USP25: variants seen among roughly 807,000 people sequenced by gnomAD.
The protein encoded by USP25 is ubiquitin carboxyl-terminal hydrolase 25.
USP25 carries 85 observed loss-of-function variants against 158.5 expected under a neutral mutation model. The observed-to-expected ratio is 0.54, with a 90% CI of 0.45 to 0.64. The LOEUF is 0.64. Among genes scored for constraint, USP25 ranks in the 30% least tolerant of loss-of-function variants. The pLI, the probability that USP25 is intolerant of heterozygous loss-of-function variation, is 0.00. For synonymous variants in USP25, 464 were observed against 460.4 expected (o/e 1.01, Z -0.10); for missense variants, 1,242 against 1,327.3 (o/e 0.94, Z 1.00).
chr21:15,857,121 A>T (rs894497474), intron 20 of USP25, among the ~76,000 whole-genome samples: 2 of 152,170 alleles, frequency 1.3e-5, no homozygotes, highest in Admixed American at 6.5e-5. Flanking sequence ...ACCTCAGGCA[A>T]TTTATTAAAT....
At chr21:15,732,768 C>T (rs1414326766) in intron 1 of USP25, among the ~76,000 whole-genome samples, 3 of 152,080 alleles carry the variant, frequency 2.0e-5, no homozygotes, top group African/African-American at 2.4e-5. Flanking sequence ...GTTTGCAGCA[C>T]CACACTACAC....
chr21:15,794,515 T>C (rs2035759928), intron 5 of USP25, among the ~76,000 whole-genome samples: 2 of 151,402 alleles, frequency 1.3e-5, no homozygotes, highest in South Asian at 4.2e-4. Context: ...GTGTATGTTC[T>C]TCTCTGTAGC....
intron 7 of USP25, chr21:15,805,647 T>C (rs1194100865): frequency 1.3e-5 from 2 of 153,944 alleles, no homozygotes; most frequent in Non-Finnish European, 2.9e-5. Flanking sequence ...ATCTTTGTTA[T>C]TGTTGCTTTT....
At chr21:15,845,186 G>A (rs1249810344) in intron 18 of USP25, among the ~76,000 whole-genome samples, 2 of 152,004 alleles carry the variant, frequency 1.3e-5, no homozygotes, top group African/African-American at 4.8e-5. Context: ...TAGCTTTTTT[G>A]TCACCCTTCT....
chr21:15,822,048 T>C (rs930807188), intron 10 of USP25, among the ~76,000 whole-genome samples: 5 of 151,946 alleles, frequency 3.3e-5, no homozygotes, highest in Non-Finnish European at 7.4e-5. Context: ...TTTAGAGATA[T>C]GGAGAATGAC....
At chr21:15,866,372 A>T in intron 22 of USP25, 28 bp downstream of exon 22, 1 of 1,519,890 alleles carries the variant, frequency 6.6e-7, no homozygotes, top group East Asian at 2.4e-5. Context: ...AGGTTAAACT[A>T]CAGATTTAGG....
chr21:15,802,618 A>G (rs1445194677), intron 6 of USP25, among the ~76,000 whole-genome samples: 1 of 151,710 alleles, frequency 6.6e-6, no homozygotes, highest in African/African-American at 2.4e-5. Context: ...AAAACATGAC[A>G]TATCAAAATT....
chr21:15,876,819 G>T (rs915112043), intron 24 of USP25: 6 of 152,110 alleles, frequency 3.9e-5, no homozygotes, highest in African/African-American at 1.4e-4. Context: ...AAAATAAATT[G>T]CATAAGAATT....
chr21:15,764,434 A>G (rs536592225), intron 2 of USP25, among the ~76,000 whole-genome samples: 1 of 151,582 alleles, frequency 6.6e-6, no homozygotes, highest in South Asian at 2.1e-4. Context: ...TTTTTGTTTC[A>G]GTTACCAGTA....
intron 7 of USP25, among the ~76,000 whole-genome samples, chr21:15,808,564 G>GTGTGTA (rs2036504761): frequency 6.6e-6 from 1 of 151,860 alleles, no homozygotes; most frequent in South Asian, 2.1e-4. Context: ...GTGTGTGTGT[G>GTGTGTA]TGTGTGTGTA....
chr21:15,774,640 A>G (rs1018027746), intron 3 of USP25, among the ~76,000 whole-genome samples: 4 of 152,220 alleles, frequency 2.6e-5, no homozygotes, highest in African/African-American at 4.8e-5. Flanking sequence ...TAGCAACAGC[A>G]TACTCTGGAT....
At chr21:15,738,746 T>G in intron 1 of USP25, among the ~76,000 whole-genome samples, 1 of 152,036 alleles carries the variant, frequency 6.6e-6, no homozygotes, top group East Asian at 1.9e-4. Flanking sequence ...AAGTAAAAAC[T>G]AAAAGGCAGA....
At chr21:15,852,493 G>A (rs545620804) in intron 20 of USP25, among the ~76,000 whole-genome samples, 1 of 152,224 alleles carries the variant, frequency 6.6e-6, no homozygotes, top group South Asian at 2.1e-4. Context: ...CGCTTTTAAA[G>A]TAGTATCTGG....
At position 15,778,015 on chromosome 21, in the gene USP25, A is replaced by G. The variant is rs748334578; in HGVS notation, c.380A>G (p.Gln127Arg). The G allele has an allele frequency of 6.2e-7, 1 of 1,604,892 alleles. No individual in the cohort carries two copies. Among genetic ancestry groups the G allele is most frequent in the Non-Finnish European group, 8.5e-7 (1 of 1,177,306 alleles). ...FRETGITDEE[Q>R]AISRVLEASI... is the part of the protein sequence containing the mutation. ...GAGACTGGAATAACTGATGAGGAACAAGCCATTAGCAGGTAAAAACATAAT... is the reference window on the plus strand; with the variant it reads ...GAGACTGGAATAACTGATGAGGAACGAGCCATTAGCAGGTAAAAACATAAT... Residue 127 changes from glutamine (Q) to arginine (R), a missense_variant, in exon 4 of 26, where the codon CAA becomes CGA. Physicochemically the swap from Gln to Arg is conservative, Grantham distance 43 (BLOSUM62 1). Around this residue, in one of 3 missense-constraint regions of USP25, gnomAD observed 627 missense variants for 701.4 expected, o/e 0.89. Coordinates refer to ENST00000400183, the MANE Select transcript of USP25 (RefSeq NM_001283041.3).
At chr21:15,819,982 G>A (rs533527249) in intron 10 of USP25, among the ~76,000 whole-genome samples, 2 of 152,106 alleles carry the variant, frequency 1.3e-5, no homozygotes, top group South Asian at 4.1e-4. Context: ...ATAGAGAATA[G>A]CCAGACTTCA....
At chr21:15,870,042 T>A in intron 22 of USP25, 26 bp from the exon 23 acceptor site, 1 of 1,547,014 alleles carries the variant, frequency 6.5e-7, no homozygotes, top group Non-Finnish European at 8.8e-7. Flanking sequence ...ACTCTGAACA[T>A]TTTTAATATT....
intron 18 of USP25, among the ~76,000 whole-genome samples, chr21:15,846,145 TATATA>T (rs1487458487): frequency 1.8e-4 from 12 of 68,368 alleles, no homozygotes; most frequent in African/African-American, 8.6e-4. Context: ...TATATATATA[TATATA>T]TATATATATT....
chr21:15,857,225 A>T (rs2039193484), intron 20 of USP25, among the ~76,000 whole-genome samples: 1 of 152,224 alleles, frequency 6.6e-6, no homozygotes, highest in African/African-American at 2.4e-5. Flanking sequence ...TCTGTCACAT[A>T]AAGAACACCT....
intron 4 of USP25, among the ~76,000 whole-genome samples, chr21:15,778,786 C>T (rs948613691): frequency 2.6e-5 from 4 of 152,034 alleles, no homozygotes; most frequent in Non-Finnish European, 5.9e-5. Flanking sequence ...ATCCTCTAAA[C>T]AACTATTTGA....
Sources: gnomAD v4.1 joint callset for allele counts (sites outside exome capture counted in the v4.1 genomes callset) on GRCh38, gnomAD v4.1.1 for gene constraint, gnomAD v4.1.1 regional missense constraint, MANE v1.5 for transcripts, NCBI Gene and HGNC (gene_info 2026-07-23, HGNC 2026-07-21) for gene names.